GNAL: variants seen among roughly 807,000 people sequenced by gnomAD.
GNAL encodes the protein guanine nucleotide-binding protein G(olf) subunit alpha.
A neutral mutation model predicts 55.1 loss-of-function variants in GNAL; 18 were observed. The observed-to-expected ratio is 0.33, with a 90% CI of 0.23 to 0.48. The LOEUF (loss-of-function observed/expected upper bound fraction) is 0.48. Among genes scored for constraint, GNAL ranks in the 20% least tolerant of loss-of-function variants. The pLI, the probability that GNAL is intolerant of heterozygous loss-of-function variation, is 0.99. For synonymous variants in GNAL, 253 were observed against 237.0 expected (o/e 1.07, Z -0.62); for missense variants, 412 against 614.1 (o/e 0.67, Z 3.48).
chr18:11,760,962 A>G (rs2033222048), intron 4 of GNAL, among the ~76,000 whole-genome samples: 1 of 152,188 alleles, frequency 6.6e-6, no homozygotes. Context: ...AAACATGTTA[A>G]TATCTAAAAC....
chr18:11,690,016 G>A, intron 1 of GNAL, 77 bp downstream of exon 1: 1 of 857,758 alleles, frequency 1.2e-6, no homozygotes, highest in Non-Finnish European at 1.5e-6. Context: ...GCACCGGGGA[G>A]CGGTGGCGGG....
intron 4 of GNAL, among the ~76,000 whole-genome samples, chr18:11,772,344 C>T (rs553432868): frequency 9.2e-5 from 14 of 152,274 alleles, no homozygotes; most frequent in African/African-American, 3.1e-4. Flanking sequence ...AGTCAAATTA[C>T]CACTCATGCT....
At chr18:11,855,011 C>T (rs1184477216) in intron 5 of GNAL, among the ~76,000 whole-genome samples, 1 of 151,900 alleles carries the variant, frequency 6.6e-6, no homozygotes, top group Non-Finnish European at 1.5e-5. Context: ...GCCTCCACCT[C>T]CCAGGTTCTA....
intron 4 of GNAL, among the ~76,000 whole-genome samples, chr18:11,783,047 GTAAC>G: frequency 6.6e-6 from 1 of 152,336 alleles, no homozygotes; most frequent in South Asian, 2.1e-4. Flanking sequence ...ATTTGTAAAA[GTAAC>G]TAACTCTGTC....
chr18:11,800,276 AATAAG>A (rs2034489968), intron 4 of GNAL, among the ~76,000 whole-genome samples: 1 of 152,156 alleles, frequency 6.6e-6, no homozygotes, highest in Non-Finnish European at 1.5e-5. Flanking sequence ...GGATTGATTA[AATAAG>A]ATAAGATGAC....
intron 4 of GNAL, among the ~76,000 whole-genome samples, chr18:11,806,157 T>C (rs2034654894): frequency 6.6e-6 from 1 of 152,196 alleles, no homozygotes; most frequent in Admixed American, 6.5e-5. Context: ...TTTTTAAAAG[T>C]GTCTATTCAT....
chr18:11,786,060 G>A (rs137943753), intron 4 of GNAL, among the ~76,000 whole-genome samples: 1 of 152,308 alleles, frequency 6.6e-6, no homozygotes, highest in African/African-American at 2.4e-5. Flanking sequence ...GAAGCATTCT[G>A]ACTCCCAGAA....
intron 4 of GNAL, among the ~76,000 whole-genome samples, chr18:11,821,637 C>T (rs2035092521): frequency 6.6e-6 from 1 of 152,222 alleles, no homozygotes; most frequent in Admixed American, 6.5e-5. Flanking sequence ...GAAGCCGAAG[C>T]CTGAAGGAAT....
At chr18:11,709,864 C>T (rs1486282074) in intron 1 of GNAL, among the ~76,000 whole-genome samples, 2 of 152,134 alleles carry the variant, frequency 1.3e-5, no homozygotes, top group Non-Finnish European at 2.9e-5. Context: ...GAGTGGGCAT[C>T]TTTGCCTTCT....
intron 4 of GNAL, among the ~76,000 whole-genome samples, chr18:11,796,304 G>A (rs112029338): frequency 0.016 from 2,490 of 152,172 alleles, 73 homozygotes; most frequent in African/African-American, 0.057. Context: ...TGGGCCGGGC[G>A]CAGTGGCTCA....
At chr18:11,726,469 G>A (rs1170015940) in intron 1 of GNAL, among the ~76,000 whole-genome samples, 8 of 152,164 alleles carry the variant, frequency 5.3e-5, no homozygotes, top group South Asian at 2.1e-4. Context: ...TAAGTAAATC[G>A]AAGTGGACCG....
intron 1 of GNAL, among the ~76,000 whole-genome samples, chr18:11,731,257 C>T (rs1258939740): frequency 2.0e-5 from 3 of 152,222 alleles, no homozygotes; most frequent in African/African-American, 7.2e-5. Context: ...AAGCGATTAT[C>T]GTGTCTCAGC....
intron 5 of GNAL, among the ~76,000 whole-genome samples, chr18:11,840,131 C>G (rs185998581): frequency 6.6e-6 from 1 of 152,330 alleles, no homozygotes; most frequent in African/African-American, 2.4e-5. Context: ...TTAAGGAACT[C>G]TCCACACAAA....
At chr18:11,844,004 C>T (rs113418989) in intron 5 of GNAL, among the ~76,000 whole-genome samples, 37 of 152,026 alleles carry the variant, frequency 2.4e-4, no homozygotes, top group African/African-American at 6.3e-4. Context: ...ATGTTTTGGC[C>T]GAAAAGTTTA....
intron 1 of GNAL, among the ~76,000 whole-genome samples, chr18:11,748,458 G>A (rs2032739694): frequency 6.6e-6 from 1 of 152,114 alleles, no homozygotes; most frequent in African/African-American, 2.4e-5. Flanking sequence ...ATAACTAGAA[G>A]CAGTTTTATA....
chr18:11,753,592 G>C, intron 2 of GNAL, 36 bp from the exon 3 acceptor site: 1 of 1,306,638 alleles, frequency 7.7e-7, no homozygotes, highest in Non-Finnish European at 1.1e-6. Flanking sequence ...AGTGCTAAGA[G>C]TAAATTAAGC....
intron 4 of GNAL, among the ~76,000 whole-genome samples, chr18:11,779,183 A>C (rs1262363664): frequency 6.6e-6 from 1 of 152,198 alleles, no homozygotes; most frequent in East Asian, 1.9e-4. Flanking sequence ...GCCTCGTGCT[A>C]CTGCGAAATG....
chr18:11,860,974 C>T (rs904767849), intron 5 of GNAL, among the ~76,000 whole-genome samples: 7 of 152,162 alleles, frequency 4.6e-5, no homozygotes, highest in Non-Finnish European at 8.8e-5. Context: ...TGTTCTGAAC[C>T]GTTTCGTCTC....
intron 4 of GNAL, among the ~76,000 whole-genome samples, chr18:11,812,604 G>A (rs1442817746): frequency 2.6e-5 from 4 of 152,246 alleles, no homozygotes; most frequent in Non-Finnish European, 5.9e-5. Flanking sequence ...AGCACTTTGG[G>A]AGGCCAAGGT....
Sources: gnomAD v4.1 joint callset for allele counts (sites outside exome capture counted in the v4.1 genomes callset) on GRCh38, gnomAD v4.1.1 for gene constraint, MANE v1.5 for transcripts, NCBI Gene and HGNC (gene_info 2026-07-23, HGNC 2026-07-21) for gene names.